MXD4: variants seen among roughly 807,000 people sequenced by gnomAD.
MXD4 encodes Mad4 homolog.
Under a neutral mutation model 24.5 loss-of-function variants are expected in MXD4, and 16 were observed. That is an observed-to-expected ratio of 0.65 (90% confidence interval 0.44 to 0.99). The LOEUF (loss-of-function observed/expected upper bound fraction) is 0.99. Ranked by LOEUF, MXD4 falls within the 50% of genes least tolerant of loss-of-function variation. MXD4 has a pLI of 0.00. For missense variants in MXD4, 301 were observed against 301.5 expected (o/e 1.00, Z 0.01); for synonymous variants, 164 against 134.2 (o/e 1.22, Z -1.54).
chr4:2,251,297 T>C, intron 4 of MXD4, 51 bp from the exon 5 acceptor site: 1 of 1,487,592 alleles, frequency 6.7e-7, no homozygotes, highest in Non-Finnish European at 9.0e-7. Flanking sequence ...AGTCCCCCCA[T>C]CCCCCTGGCC....
intron 3 of MXD4, 29 bp downstream of exon 3, chr4:2,257,952 GC>G: frequency 1.2e-6 from 2 of 1,613,572 alleles, no homozygotes; most frequent in Non-Finnish European, 1.7e-6. Flanking sequence ...CAGGTGTCGG[GC>G]TCATGTGGGG....
In MXD4 at chr4:2,262,044, C is replaced by T; in HGVS notation, c.-64G>A. The T allele has an allele frequency of 1.1e-6, 1 of 922,926 alleles. No individual in the cohort carries two copies. Among genetic ancestry groups the T allele is most frequent in the Non-Finnish European group, 1.3e-6 (1 of 768,794 alleles). The allele number at this position is 922,926 out of a possible 1,614,324, so 57.2% of individuals were successfully genotyped here. On this transcript the variant is annotated 5_prime_UTR_variant, in exon 1 of 6. Transcript: ENST00000337190. Reference sequence around the variant, plus strand: ...CCGCTGCCCGGCCCGCTCCGGCCGGCTCCGCTCGCCGCCCACCCCGCGCGC... The same window carrying T: ...CCGCTGCCCGGCCCGCTCCGGCCGGTTCCGCTCGCCGCCCACCCCGCGCGC...
intron 2 of MXD4, among the ~76,000 whole-genome samples, chr4:2,261,166 G>C (rs1374233137): frequency 6.6e-6 from 1 of 152,238 alleles, no homozygotes; most frequent in Admixed American, 6.5e-5. Context: ...AGAAGCGGTG[G>C]GCACCCTGGG....
chr4:2,248,804 T>C lies in MXD4; in HGVS notation c.*1740A>G, dbSNP rs1352298330. ...ATAGACACGAATTTTCCCCATGATATGGGAATTGGCTACAGATGTACCAGA... is the reference window on the plus strand; with the variant it reads ...ATAGACACGAATTTTCCCCATGATACGGGAATTGGCTACAGATGTACCAGA... On this transcript the variant is annotated 3_prime_UTR_variant, in exon 6 of 6. Transcript: ENST00000337190. 2 of 152,206 alleles carry C rather than the reference T, an allele frequency of 1.3e-5. No homozygotes were observed. The highest frequency in any genetic ancestry group is 2.4e-5 in the African/African-American group (1 of 41,434). The allele number at this position is 152,206 out of a possible 1,614,324, so 9.4% of individuals were successfully genotyped here. A position where few individuals can be genotyped will look rare whatever the true frequency, so the allele number is the denominator to read the frequency against.
Position 2,250,337 on chromosome 4 carries a change from C to A in MXD4, c.*207G>T, listed in dbSNP as rs1397683401. 1.5e-6 allele frequency: 1 copy of A among 667,926 alleles called. No homozygotes were observed. The highest frequency in any genetic ancestry group is 2.8e-5 in the East Asian group (1 of 35,156). The allele number at this position is 667,926 out of a possible 1,614,324, so 41.4% of individuals were successfully genotyped here. On this transcript the variant is annotated 3_prime_UTR_variant, in exon 6 of 6. Transcript: ENST00000337190. The stretch of plus-strand genomic sequence containing the variant: ...GTGGAAGCTGGGCCCTGCCTCCTTG[C>A]AGGGGACTCTGCCCAGCTGGAAGGG...
intron 3 of MXD4, 151 bp from the exon 4 acceptor site, chr4:2,252,673 C>A (rs1279220138): frequency 8.5e-6 from 5 of 586,148 alleles, no homozygotes; most frequent in South Asian, 2.0e-5. Context: ...TGGTTGGGAA[C>A]CCCCGTCCCC....
At chr4:2,259,995 G>A (rs950298912) in intron 2 of MXD4, among the ~76,000 whole-genome samples, 3 of 152,214 alleles carry the variant, frequency 2.0e-5, no homozygotes, top group African/African-American at 7.2e-5. Flanking sequence ...CTCACAGGTG[G>A]GGACAAGTCA....
At chr4:2,261,325 G>C (rs972791619) in intron 2 of MXD4, among the ~76,000 whole-genome samples, 39 of 152,330 alleles carry the variant, frequency 2.6e-4, no homozygotes, top group African/African-American at 9.4e-4. Context: ...GGTTAGGGCC[G>C]GCAGCCCCCG....
Position 2,250,423 on chromosome 4 carries a change from TG to T in MXD4, c.*120del. On this transcript the variant is annotated 3_prime_UTR_variant, in exon 6 of 6. Coordinates refer to ENST00000337190, the MANE Select transcript of MXD4 (RefSeq NM_006454.3). ...CAGTGCCAGGCAGCCCAGCAGCAGC[TG>T]GAGCTTCCAGAATGGCACAGCAGTG... The T allele has an allele frequency of 7.8e-7, 1 of 1,279,124 alleles. No individual in the cohort carries two copies. Among genetic ancestry groups the T allele is most frequent in the Non-Finnish European group, 1.0e-6 (1 of 957,904 alleles). 79.2% of individuals were successfully genotyped at this position (1,279,124 alleles called of 1,614,324 possible). A position where few individuals can be genotyped will look rare whatever the true frequency, so the allele number is the denominator to read the frequency against.
At chr4:2,259,337 G>C (rs1390646046) in intron 2 of MXD4, among the ~76,000 whole-genome samples, 3 of 152,176 alleles carry the variant, frequency 2.0e-5, no homozygotes, top group African/African-American at 7.2e-5. Flanking sequence ...GGTCACATGG[G>C]CTGGACAAGG....
chr4:2,261,188 C>G (rs966354012), intron 2 of MXD4, among the ~76,000 whole-genome samples: 1 of 152,238 alleles, frequency 6.6e-6, no homozygotes, highest in African/African-American at 2.4e-5. Flanking sequence ...GGAGTGAGGG[C>G]CCAGGACAGC....
At chr4:2,259,830 A>C (rs1299387397) in intron 2 of MXD4, among the ~76,000 whole-genome samples, 1 of 152,086 alleles carries the variant, frequency 6.6e-6, no homozygotes, top group Non-Finnish European at 1.5e-5. Flanking sequence ...CCCAGGAGAC[A>C]AGCACACTTC....
At chr4:2,256,678 AG>A (rs945042753) in intron 3 of MXD4, among the ~76,000 whole-genome samples, 1 of 152,122 alleles carries the variant, frequency 6.6e-6, no homozygotes, top group African/African-American at 2.4e-5. Flanking sequence ...TGTCTCAAGA[AG>A]GCCCCATGAG....
At chr4:2,255,446 G>C (rs1735407041) in intron 3 of MXD4, 1 of 453,744 alleles carries the variant, frequency 2.2e-6, no homozygotes, top group Admixed American at 2.4e-5. Flanking sequence ...GTGGGCGCCA[G>C]GGCTGGAGGC....
At position 2,249,025 on chromosome 4, in the gene MXD4, T is replaced by C. The variant is rs374436185; in HGVS notation, c.*1519A>G. ...GAGTCAGGTGACAGGTGAGAATCCATCTCTCTAGTGAGCAAGCAGGCCCCT... is the reference window on the plus strand; with the variant it reads ...GAGTCAGGTGACAGGTGAGAATCCACCTCTCTAGTGAGCAAGCAGGCCCCT... On this transcript the variant is annotated 3_prime_UTR_variant, in exon 6 of 6. Coordinates refer to ENST00000337190, the MANE Select transcript of MXD4 (RefSeq NM_006454.3). The C allele has an allele frequency of 1.3e-5, 2 of 152,368 alleles. No homozygotes were observed. Among genetic ancestry groups the C allele is most frequent in the African/African-American group, 4.8e-5 (2 of 41,574 alleles). The allele number at this position is 152,368 out of a possible 1,614,324, so 9.4% of individuals were successfully genotyped here. A position where few individuals can be genotyped will look rare whatever the true frequency, so the allele number is the denominator to read the frequency against.
rs1735298244 is a variant in MXD4 at position 2,250,578 on chromosome 4, T to G, written c.596A>C (p.His199Pro). 2 of 1,607,128 alleles carry G rather than the reference T, an allele frequency of 1.2e-6. No homozygotes were observed. ...GGCGGGGCGGCCCAGCCGCCGGCAGTGGGGCCCGAAGCCACTGTCGCCGCC... is the reference window on the plus strand; with the variant it reads ...GGCGGGGCGGCCCAGCCGCCGGCAGGGGGGCCCGAAGCCACTGTCGCCGCC... ...GTGGDSGFGP[H>P]CRRLGRPALS Residue 199 changes from histidine (H) to proline (P), a missense_variant, in exon 6 of 6, where the codon CAC becomes CCC. Coordinates refer to ENST00000337190, the MANE Select transcript of MXD4 (RefSeq NM_006454.3).
intron 3 of MXD4, 116 bp downstream of exon 3, chr4:2,257,866 G>T: frequency 1.5e-6 from 2 of 1,358,356 alleles, no homozygotes; most frequent in Non-Finnish European, 1.0e-6. Flanking sequence ...CAAGGACACA[G>T]CCTGGCAGCA....
chr4:2,259,434 A>G (rs1223974547), intron 2 of MXD4, among the ~76,000 whole-genome samples: 2 of 152,208 alleles, frequency 1.3e-5, no homozygotes, highest in African/African-American at 4.8e-5. Flanking sequence ...CCTCACAGAG[A>G]TAGGCCCCTA....
rs1207770678 is a variant in MXD4 at position 2,248,317 on chromosome 4, G to A, written c.*2227C>T. 1 of 152,456 alleles carries A rather than the reference G, an allele frequency of 6.6e-6. No homozygotes were observed. Among genetic ancestry groups the A allele is most frequent in the East Asian group, 1.9e-4 (1 of 5,194 alleles). 9.4% of individuals were successfully genotyped at this position (152,456 alleles called of 1,614,324 possible). The stretch of plus-strand genomic sequence containing the variant: ...TGAGCTGCCGGGAGGGTGGGCTGAG[G>A]GGCCACCACTGGTCACCGGGTGGAT... On this transcript the variant is annotated 3_prime_UTR_variant, in exon 6 of 6. Coordinates refer to ENST00000337190, the MANE Select transcript of MXD4 (RefSeq NM_006454.3).
Sources: allele counts gnomAD v4.1 joint callset (sites outside exome capture counted in the v4.1 genomes callset), GRCh38; gene constraint gnomAD v4.1.1; transcripts MANE v1.5; gene names NCBI Gene and HGNC (gene_info 2026-07-23, HGNC 2026-07-21).